Variants in DMD observed in about 807,000 individuals in gnomAD.
DMD encodes the protein mutant dystrophin.
A neutral mutation model predicts 330.1 loss-of-function variants in DMD; 63 were observed. The observed-to-expected ratio is 0.19, with a 90% CI of 0.16 to 0.24. DMD has a LOEUF of 0.24. Ranked by LOEUF, DMD falls within the 10% of genes least tolerant of loss-of-function variation. The probability of loss-of-function intolerance (pLI) is 1.00; values close to 1 mark genes in which losing one functional copy is unlikely to be tolerated. For synonymous variants in DMD, 1,223 were observed against 959.8 expected, an observed-to-expected ratio of 1.27 and a Z score of -5.07; for missense variants, 3,344 against 2,684.1, an observed-to-expected ratio of 1.25 and a Z score of -5.43.
intron 44 of DMD, among the ~76,000 whole-genome samples, chrX:32,198,532 A>G (rs1299133072): frequency 8.9e-6 from 1 of 112,009 alleles, no homozygotes; most frequent in African/African-American, 3.2e-5. Context: ...ATATAACCCC[A>G]AAGGCTGTAG....
At chrX:32,420,755 C>T (rs2098186327) in intron 29 of DMD, among the ~76,000 whole-genome samples, 1 of 111,754 alleles carries the variant, frequency 8.9e-6, no homozygotes, top group Non-Finnish European at 1.9e-5. Context: ...AAATTCATCA[C>T]ACTTCCTTTT....
chrX:32,862,587 AT>A (rs1424034307), intron 2 of DMD, among the ~76,000 whole-genome samples: 16 of 86,183 alleles, frequency 1.9e-4, no homozygotes, highest in Non-Finnish European at 2.6e-4. Flanking sequence ...TAAAGGAAAT[AT>A]TAATAAAATT....
intron 57 of DMD, 96 bp downstream of exon 57, chrX:31,496,692 T>C: frequency 9.7e-7 from 1 of 1,025,955 alleles, no homozygotes. Context: ...AAAAGATTTC[T>C]ATTCAACTTA....
At chrX:32,787,984 T>G (rs1438107533) in intron 7 of DMD, among the ~76,000 whole-genome samples, 1 of 111,563 alleles carries the variant, frequency 9.0e-6, no homozygotes, top group Non-Finnish European at 1.9e-5. Context: ...ACTTACTCCT[T>G]GAAGTAGCAG....
At chrX:33,142,148 C>T (rs766068163) in intron 1 of DMD, among the ~76,000 whole-genome samples, 73 of 112,389 alleles carry the variant, frequency 6.5e-4, no homozygotes, top group African/African-American at 2.1e-3. Context: ...TGCAATGGCA[C>T]AATCTCCGCT....
At chrX:31,391,715 A>G in intron 60 of DMD, among the ~76,000 whole-genome samples, 1 of 109,788 alleles carries the variant, frequency 9.1e-6, no homozygotes, top group Non-Finnish European at 1.9e-5. Context: ...TCCTAAAAAT[A>G]CAAAAATTAG....
intron 37 of DMD, among the ~76,000 whole-genome samples, chrX:32,358,545 CAA>C (rs1464696906): frequency 9.0e-6 from 1 of 111,700 alleles, no homozygotes; most frequent in African/African-American, 3.3e-5. Context: ...ACGCTTTTTT[CAA>C]AGTCATTGGA....
intron 7 of DMD, among the ~76,000 whole-genome samples, chrX:32,761,264 T>TC (rs2072251167): frequency 1.8e-5 from 2 of 111,955 alleles, no homozygotes; most frequent in South Asian, 7.5e-4. Context: ...CTACACTAAA[T>TC]CCCCAGTATA....
intron 55 of DMD, among the ~76,000 whole-genome samples, chrX:31,543,313 G>A (rs896921156): frequency 2.7e-5 from 3 of 111,110 alleles, no homozygotes; most frequent in Non-Finnish European, 5.7e-5. Flanking sequence ...TGGGATTACA[G>A]GTGCCCACCA....
chrX:32,204,049 TTAATA>T (rs1046066686), intron 44 of DMD, among the ~76,000 whole-genome samples: 32 of 111,873 alleles, frequency 2.9e-4, no homozygotes, highest in African/African-American at 1.0e-3. Context: ...TCTTCATCAC[TTAATA>T]TATTTAAGGT....
chrX:32,132,993 CTTTTTTTTTTTTT>C (rs377615262), intron 44 of DMD, among the ~76,000 whole-genome samples: 2 of 76,010 alleles, frequency 2.6e-5, no homozygotes, highest in African/African-American at 6.9e-5. Context: ...CTTTTCTTTT[CTTTTTTTTTTTTT>C]TTTTTTTTTT....
chrX:32,891,399 C>T (rs1003501409), intron 2 of DMD, among the ~76,000 whole-genome samples: 5 of 112,230 alleles, frequency 4.5e-5, no homozygotes, highest in Non-Finnish European at 7.5e-5. Context: ...GGATTTAATC[C>T]TATAACTTAT....
chrX:31,815,275 C>T (rs890307129), intron 50 of DMD, among the ~76,000 whole-genome samples: 1 of 111,472 alleles, frequency 9.0e-6, no homozygotes, highest in East Asian at 2.8e-4. Context: ...CATGGTGAAA[C>T]CCTGTCTCTA....
At chrX:32,398,698 A>ATT (rs2098064102) in intron 30 of DMD, among the ~76,000 whole-genome samples, 1 of 111,672 alleles carries the variant, frequency 9.0e-6, no homozygotes, top group Admixed American at 9.6e-5. Flanking sequence ...ATAATAATGT[A>ATT]TTTTCTAACA....
chrX:31,630,011 C>A (rs1410714833), intron 54 of DMD, among the ~76,000 whole-genome samples: 1 of 112,290 alleles, frequency 8.9e-6, no homozygotes, highest in East Asian at 2.8e-4. Flanking sequence ...TAATATTGTG[C>A]ATTTTATCAG....
chrX:32,761,191 C>T (rs1229912485), intron 7 of DMD, among the ~76,000 whole-genome samples: 1 of 111,824 alleles, frequency 8.9e-6, no homozygotes, highest in Non-Finnish European at 1.9e-5. Flanking sequence ...TTATCTCTTA[C>T]CATAAACCCA....
chrX:33,081,743 CAA>C (rs1305834245), intron 1 of DMD, among the ~76,000 whole-genome samples: 2 of 111,875 alleles, frequency 1.8e-5, no homozygotes, highest in South Asian at 3.7e-4. Flanking sequence ...TCCAAGTGTG[CAA>C]AGAGTCAAGT....
intron 55 of DMD, among the ~76,000 whole-genome samples, chrX:31,510,991 G>C (rs901650624): frequency 9.0e-6 from 1 of 111,454 alleles, no homozygotes; most frequent in Non-Finnish European, 1.9e-5. Flanking sequence ...ACCATACCAA[G>C]AAATGACTTG....
chrX:31,188,567 A>G (rs181884634), intron 67 of DMD, among the ~76,000 whole-genome samples: 202 of 112,139 alleles, frequency 1.8e-3, no homozygotes, highest in African/African-American at 5.9e-3. Flanking sequence ...AATCTCTTGG[A>G]AAGGTCATTT....
Sources: allele counts gnomAD v4.1 joint callset (sites outside exome capture counted in the v4.1 genomes callset), GRCh38; gene constraint gnomAD v4.1.1; transcripts MANE v1.5; gene names NCBI Gene and HGNC (gene_info 2026-07-23, HGNC 2026-07-21).